PALM2AKAP2: variants seen among roughly 807,000 people sequenced by gnomAD.
PALM2AKAP2 encodes PALM2 and AKAP2 fusion, also known as PALM2-AKAP2 fusion protein.
In PALM2AKAP2, 37 loss-of-function variants were observed where a neutral mutation model predicts 71.5. That is an observed-to-expected ratio of 0.52 (90% CI 0.40 to 0.68). The LOEUF is 0.68. PALM2AKAP2 is among the 30% of genes least tolerant of loss of function. The pLI, the probability that PALM2AKAP2 is intolerant of heterozygous loss-of-function variation, is 0.00. For synonymous variants in PALM2AKAP2, 468 were observed against 478.8 expected, an observed-to-expected ratio of 0.98 and a Z score of 0.29; for missense variants, 1,224 against 1,191.8, an observed-to-expected ratio of 1.03 and a Z score of -0.40.
intron 2 of PALM2AKAP2, among the ~76,000 whole-genome samples, chr9:110,143,297 C>G (rs1836080262): frequency 6.7e-6 from 1 of 150,038 alleles, no homozygotes; most frequent in Non-Finnish European, 1.5e-5. Context: ...TGACACATGC[C>G]TGTTGTCCCA....
Position 109,735,740 on chromosome 9 carries a change from T to A in PALM2AKAP2, c.6-44748T>A, listed in dbSNP as rs546801067. 2.0e-5 allele frequency among the ~76,000 whole-genome samples: 3 copies of A among 152,304 alleles called. No individual in the cohort carries two copies. In the East Asian group the frequency reaches 5.8e-4, roughly 29 times the overall value. On this transcript the variant is annotated intron_variant, in intron 1 of 6. Coordinates refer to the PALM2AKAP2 transcript ENST00000374531. ...TTCACTTAATAGAGTTCCCTTGGGA[T>A]GTTTGTTAGTTTTGTCCCAGGCATT...
At chr9:109,978,525 A>G (rs561931773) in intron 6 of PALM2AKAP2, among the ~76,000 whole-genome samples, 6 of 152,242 alleles carry the variant, frequency 3.9e-5, no homozygotes, top group Non-Finnish European at 7.3e-5. Flanking sequence ...GAAAAGGAGC[A>G]TCTGCGTCTT....
At chr9:110,025,643 T>A (rs900139290) in intron 7 of PALM2AKAP2, among the ~76,000 whole-genome samples, 1 of 152,202 alleles carries the variant, frequency 6.6e-6, no homozygotes, top group Admixed American at 6.5e-5. Flanking sequence ...TACACCACTT[T>A]ACACCTCACC....
At chr9:109,940,434 G>T (rs1005865337) in intron 6 of PALM2AKAP2, among the ~76,000 whole-genome samples, 2 of 152,146 alleles carry the variant, frequency 1.3e-5, no homozygotes, top group African/African-American at 2.4e-5. Context: ...ATTTGGATAT[G>T]TAGAAACTCA....
At chr9:109,660,831 G>T (rs1187161604) in intron 1 of PALM2AKAP2, among the ~76,000 whole-genome samples, 1 of 152,096 alleles carries the variant, frequency 6.6e-6, no homozygotes, top group Admixed American at 6.5e-5. Context: ...AGCATCTGTT[G>T]TTTCCTGACT....
intron 1 of PALM2AKAP2, among the ~76,000 whole-genome samples, chr9:109,824,356 A>G (rs536919007): frequency 8.1e-4 from 124 of 152,228 alleles, no homozygotes; most frequent in African/African-American, 2.6e-3. Context: ...CACCTCCTTC[A>G]CTTATTTATC....
intron 1 of PALM2AKAP2, among the ~76,000 whole-genome samples, chr9:110,094,132 A>G (rs939875376): frequency 3.3e-5 from 5 of 152,210 alleles, no homozygotes; most frequent in African/African-American, 1.2e-4. Context: ...AACCCTGCTT[A>G]CCATTGCACT....
intron 3 of PALM2AKAP2, among the ~76,000 whole-genome samples, chr9:110,160,199 G>C (rs545038138): frequency 2.0e-5 from 3 of 152,172 alleles, no homozygotes; most frequent in Non-Finnish European, 4.4e-5. Context: ...CCACACATTT[G>C]GGGGGTAGAG....
At chr9:110,146,811 A>G (rs1425290929) in intron 2 of PALM2AKAP2, among the ~76,000 whole-genome samples, 2 of 152,150 alleles carry the variant, frequency 1.3e-5, no homozygotes, top group African/African-American at 4.8e-5. Flanking sequence ...TATGGGGCAG[A>G]CAATTAGAGC....
chr9:109,815,915 G>C (rs984540995), intron 1 of PALM2AKAP2, among the ~76,000 whole-genome samples: 4 of 152,232 alleles, frequency 2.6e-5, no homozygotes, highest in Non-Finnish European at 5.9e-5. Flanking sequence ...ATGCAGGTGA[G>C]TGGAGGATAA....
chr9:110,128,232 C>T (rs1358285254), intron 1 of PALM2AKAP2, among the ~76,000 whole-genome samples: 1 of 152,224 alleles, frequency 6.6e-6, no homozygotes, highest in Non-Finnish European at 1.5e-5. Context: ...CATTTGCCTT[C>T]ATGCTGGAGA....
upstream of PALM2AKAP2, chr9:109,780,201 C>T: frequency 1.1e-6 from 1 of 892,442 alleles, no homozygotes; most frequent in Non-Finnish European, 1.4e-6. Flanking sequence ...TGCCGGCGTC[C>T]CACGTCCTCG....
At chr9:110,135,810 C>T (rs1835850918) in intron 1 of PALM2AKAP2, among the ~76,000 whole-genome samples, 1 of 152,164 alleles carries the variant, frequency 6.6e-6, no homozygotes, top group Non-Finnish European at 1.5e-5. Context: ...TCGTATTGCA[C>T]AGCCTGCAAT....
At chr9:109,807,065 G>T (rs1208056036) in intron 1 of PALM2AKAP2, among the ~76,000 whole-genome samples, 1 of 152,158 alleles carries the variant, frequency 6.6e-6, no homozygotes. Flanking sequence ...AGCAGCAGAG[G>T]AGATGGGGAA....
Position 109,952,522 on chromosome 9 carries a change from TC to T in PALM2AKAP2, c.496+20495del, listed in dbSNP as rs1192479869. ...ATATGAGTGGTGTTTTATAGATTGC[TC>T]AAACCGCCAGGTTAAGATTGACAAG... On this transcript the variant is annotated intron_variant, in intron 6 of 9. Coordinates refer to the PALM2AKAP2 transcript ENST00000302798. 2.0e-5 allele frequency among the ~76,000 whole-genome samples: 3 copies of T among 152,302 alleles called. No individual in the cohort carries two copies. In the East Asian group the frequency reaches 5.8e-4, roughly 29 times the overall value.
chr9:109,880,815 T>C (rs1007989772), intron 3 of PALM2AKAP2, 134 bp downstream of exon 3: 9 of 1,324,402 alleles, frequency 6.8e-6, no homozygotes, highest in Non-Finnish European at 7.9e-6. Context: ...ACAAAGCACA[T>C]TGATGTTGTT....
At chr9:109,767,088 T>C (rs1368266939) in intron 1 of PALM2AKAP2, among the ~76,000 whole-genome samples, 2 of 152,308 alleles carry the variant, frequency 1.3e-5, no homozygotes, top group Middle Eastern at 3.4e-3. Flanking sequence ...ATTTTCTGAT[T>C]GAGAGAGCTG....
intron 7 of PALM2AKAP2, among the ~76,000 whole-genome samples, chr9:110,039,697 GCA>G (rs1252329921): frequency 5.6e-5 from 1 of 17,970 alleles, no homozygotes; most frequent in African/African-American, 6.0e-4. Flanking sequence ...AAACATAGTA[GCA>G]GCAGCAGCAG....
At chr9:109,667,215 C>G (rs1162748248) in intron 1 of PALM2AKAP2, among the ~76,000 whole-genome samples, 1 of 151,998 alleles carries the variant, frequency 6.6e-6, no homozygotes, top group Non-Finnish European at 1.5e-5. Context: ...AAAATGTAAG[C>G]TATGTTGCTG....
Sources: allele counts gnomAD v4.1 joint callset (sites outside exome capture counted in the v4.1 genomes callset), GRCh38; gene constraint gnomAD v4.1.1; transcripts MANE v1.5; gene names NCBI Gene and HGNC (gene_info 2026-07-23, HGNC 2026-07-21).